STAB2: variants seen among roughly 807,000 people sequenced by gnomAD.
The protein encoded by STAB2 is stabilin 2.
STAB2 carries 288 observed loss-of-function variants against 338.1 expected under a neutral mutation model. That is an observed-to-expected ratio of 0.85 (90% CI 0.77 to 0.94). The LOEUF is 0.94. Ranked by LOEUF, STAB2 falls within the 40% of genes least tolerant of loss-of-function variation. The pLI, the probability that STAB2 is intolerant of heterozygous loss-of-function variation, is 0.00. For missense variants in STAB2, 3,141 were observed against 3,210.1 expected, an observed-to-expected ratio of 0.98 and a Z score of 0.52; for synonymous variants, 1,202 against 1,193.3, an observed-to-expected ratio of 1.01 and a Z score of -0.15.
intron 31 of STAB2, among the ~76,000 whole-genome samples, chr12:103,694,101 G>A (rs571417453): frequency 6.6e-6 from 1 of 152,230 alleles, no homozygotes; most frequent in South Asian, 2.1e-4. Flanking sequence ...TTGGCATCAA[G>A]GGCATCTTTG....
chr12:103,611,374 G>T (rs1957119514), intron 3 of STAB2, among the ~76,000 whole-genome samples: 2 of 152,180 alleles, frequency 1.3e-5, no homozygotes, highest in Non-Finnish European at 2.9e-5. Flanking sequence ...GGGTGCTCCT[G>T]TATTGGGTGC....
intron 27 of STAB2, among the ~76,000 whole-genome samples, chr12:103,685,453 TGCGCGTGC>T (rs1351793873): frequency 3.5e-5 from 4 of 113,692 alleles, no homozygotes; most frequent in South Asian, 2.9e-4. Context: ...TGTGTGTGTG[TGCGCGTGC>T]GTGTGTGTGT....
intron 4 of STAB2, among the ~76,000 whole-genome samples, chr12:103,621,625 G>A (rs551503284): frequency 6.0e-4 from 91 of 152,280 alleles, no homozygotes; most frequent in Non-Finnish European, 4.6e-4. Context: ...CCAGCTACTC[G>A]GGAGGCTGAA....
Position 103,731,556 on chromosome 12 carries a change from C to T in STAB2, c.5224-20C>T, listed in dbSNP as rs1447631178. The T allele has an allele frequency of 6.2e-7, 1 of 1,611,628 alleles. No individual in the cohort carries two copies. On this transcript the variant is annotated intron_variant, in intron 49 of 68. Transcript: ENST00000388887. ...ACTGTATAAGGAAAAGTTTCATGCCCATTCTTATTATCTTTGCAGCAAAAT... is the reference window on the plus strand; with the variant it reads ...ACTGTATAAGGAAAAGTTTCATGCCTATTCTTATTATCTTTGCAGCAAAAT...
At position 103,631,697 on chromosome 12, in the gene STAB2, A is replaced by C. The variant is rs766474280; in HGVS notation, c.583+4A>C. Reference sequence around the variant, plus strand: ...ACTGGCCCCAAGTGTGACAAGCGTAAGTACTGCTAGTTCCCTTAATGCCAC... The same window carrying C: ...ACTGGCCCCAAGTGTGACAAGCGTACGTACTGCTAGTTCCCTTAATGCCAC... On this transcript the variant is annotated splice_donor_region_variant and intron_variant, in intron 6 of 68. Transcript: ENST00000388887. 6.2e-7 allele frequency: 1 copy of C among 1,613,712 alleles called. No individual in the cohort carries two copies. Among genetic ancestry groups the C allele is most frequent in the African/African-American group, 1.3e-5 (1 of 74,924 alleles).
At chr12:103,635,767 G>A (rs1412220005) in intron 6 of STAB2, among the ~76,000 whole-genome samples, 1 of 152,226 alleles carries the variant, frequency 6.6e-6, no homozygotes, top group African/African-American at 2.4e-5. Flanking sequence ...AGCTGCTGCT[G>A]CCAGCAGCGC....
chr12:103,761,432 T>A, intron 66 of STAB2, 22 bp downstream of exon 66: 1 of 1,609,532 alleles, frequency 6.2e-7, no homozygotes. Context: ...GGGTCCCTGA[T>A]AACGGGCCAG....
At chr12:103,618,001 T>C (rs1565963831) in intron 3 of STAB2, among the ~76,000 whole-genome samples, 2 of 152,232 alleles carry the variant, frequency 1.3e-5, no homozygotes, top group Non-Finnish European at 2.9e-5. Context: ...ACCTCCATAG[T>C]ACCTGCATGT....
intron 44 of STAB2, among the ~76,000 whole-genome samples, chr12:103,723,861 A>G (rs1018850485): frequency 6.7e-6 from 1 of 149,998 alleles, no homozygotes; most frequent in African/African-American, 2.5e-5. Flanking sequence ...TGTGGACCAA[A>G]GGAGGTTGGA....
chr12:103,644,021 C>G (rs1230847242), intron 9 of STAB2, among the ~76,000 whole-genome samples: 3 of 99,436 alleles, frequency 3.0e-5, no homozygotes, highest in Non-Finnish European at 6.6e-5. Flanking sequence ...ACCACCCCGT[C>G]TGGGAGGTGT....
intron 34 of STAB2, 27 bp from the exon 35 acceptor site, chr12:103,703,121 A>T: frequency 6.2e-7 from 1 of 1,603,058 alleles, no homozygotes; most frequent in South Asian, 1.1e-5. Flanking sequence ...TGTCATAAAA[A>T]GTGACATTTA....
intron 45 of STAB2, among the ~76,000 whole-genome samples, 185 bp downstream of exon 45, chr12:103,725,279 G>A (rs1158588928): frequency 6.6e-6 from 1 of 152,234 alleles, no homozygotes; most frequent in East Asian, 1.9e-4. Flanking sequence ...TTTGACCTGA[G>A]GAAGAGTGTA....
At position 103,766,475 on chromosome 12, in the gene STAB2, G is replaced by T. The variant is rs777966554; in HGVS notation, c.*139G>T. The T allele has an allele frequency of 3.9e-6, 4 of 1,013,102 alleles. No homozygotes were observed. Among genetic ancestry groups the T allele is most frequent in the Non-Finnish European group, 4.3e-6 (3 of 702,884 alleles). 62.8% of individuals were successfully genotyped at this position (1,013,102 alleles called of 1,614,324 possible). ...ATACCTCATCTCTCTGGCTGATCTG[G>T]GGGTTGTTTCTGTGGGTGAGAGATG... On this transcript the variant is annotated 3_prime_UTR_variant, in exon 69 of 69. Transcript: ENST00000388887.
chr12:103,734,882 C>T (rs1171166635), intron 51 of STAB2, among the ~76,000 whole-genome samples: 1 of 152,140 alleles, frequency 6.6e-6, no homozygotes, highest in Non-Finnish European at 1.5e-5. Flanking sequence ...CCTTGGTGCT[C>T]CTGGATTTGT....
In STAB2 at chr12:103,733,172, G is replaced by A. The variant is rs202098756; in HGVS notation, c.5450G>A (p.Arg1817Gln). 1.0e-4 allele frequency: 169 copies of A among 1,613,968 alleles called. No homozygotes were observed. In the Admixed American group the frequency reaches 1.7e-3, roughly 16 times the overall value. Residue 1817 changes from arginine (R) to glutamine (Q), a missense_variant, in exon 51 of 69, where the codon CGA (arginine) becomes CAA (glutamine). Coordinates refer to ENST00000388887, the MANE Select transcript of STAB2 (RefSeq NM_017564.10). ...GAGTATTTGAAGTTTCATGTGATACGAGATGCCAAGGTATTTAGTTTACAT... is the reference window on the plus strand; with the variant it reads ...GAGTATTTGAAGTTTCATGTGATACAAGATGCCAAGGTATTTAGTTTACAT... ...LKEYLKFHVIRDAKVLAVDLP... is the reference protein window; with the variant it reads ...LKEYLKFHVIQDAKVLAVDLP...
Position 103,670,791 on chromosome 12 carries a change from A to G in STAB2, c.2355A>G (p.Gly785=), listed in dbSNP as rs145842591. 323 of 1,613,638 alleles carry G rather than the reference A, an allele frequency of 2.0e-4. No individual in the cohort carries two copies. The highest frequency in any genetic ancestry group is 2.6e-4 in the Non-Finnish European group (303 of 1,179,876). ...TCTGCTCTGATCCCAATAAATACGGACCTCGGTGTAACAAAAGTAAGTGGC... is the reference window on the plus strand; with the variant it reads ...TCTGCTCTGATCCCAATAAATACGGGCCTCGGTGTAACAAAAGTAAGTGGC... ...CQFCSDPNKY[G]PRCNKKCLCV... is the part of the protein sequence containing the mutation. The change falls in exon 22 of 69, where the codon GGA becomes GGG. Residue 785 remains glycine, a synonymous_variant. Transcript: ENST00000388887.
intron 3 of STAB2, among the ~76,000 whole-genome samples, chr12:103,615,840 G>T (rs184539671): frequency 1.0e-3 from 159 of 152,278 alleles, no homozygotes; most frequent in Non-Finnish European, 2.0e-3. Context: ...ATCAGATCTC[G>T]TGAGACTCAT....
chr12:103,652,813 T>G, intron 12 of STAB2, 108 bp downstream of exon 12: 2 of 1,291,342 alleles, frequency 1.5e-6, no homozygotes, highest in Non-Finnish European at 2.1e-6. Context: ...TACAAGGAAA[T>G]TCTTTCCTCA....
chr12:103,622,140 A>C (rs1267865657), intron 5 of STAB2, 29 bp downstream of exon 5: 17 of 1,610,834 alleles, frequency 1.1e-5, no homozygotes, highest in Non-Finnish European at 1.4e-5. Context: ...TAATCACCAC[A>C]TTTGTAAGGG....
Sources: gnomAD v4.1 joint callset for allele counts (sites outside exome capture counted in the v4.1 genomes callset) on GRCh38, gnomAD v4.1.1 for gene constraint, MANE v1.5 for transcripts, NCBI Gene and HGNC (gene_info 2026-07-23, HGNC 2026-07-21) for gene names.